Variants in FAM193A observed in about 807,000 individuals in gnomAD.
FAM193A encodes protein FAM193A.
FAM193A carries 22 observed loss-of-function variants against 126.5 expected under a neutral mutation model. That is an observed-to-expected ratio of 0.17 (90% CI 0.12 to 0.25). FAM193A has a LOEUF of 0.25. FAM193A is among the 10% of genes least tolerant of loss of function. The pLI is 1.00. For synonymous variants in FAM193A, 761 were observed against 646.8 expected (o/e 1.18, Z -2.68); for missense variants, 1,675 against 1,672.8 (o/e 1.00, Z -0.02).
intron 1 of FAM193A, among the ~76,000 whole-genome samples, chr4:2,577,801 C>G (rs771320585): frequency 6.6e-6 from 1 of 152,188 alleles, no homozygotes; most frequent in African/African-American, 2.4e-5. Context: ...GATTTCTAAT[C>G]TCAAGCTGTT....
At chr4:2,613,227 A>G (rs543949186) in intron 2 of FAM193A, among the ~76,000 whole-genome samples, 2 of 152,310 alleles carry the variant, frequency 1.3e-5, no homozygotes, top group East Asian at 3.9e-4. Context: ...GCTTGAGGCC[A>G]GGAGTTTAAG....
At chr4:2,707,420 C>T (rs1007019698) in intron 19 of FAM193A, among the ~76,000 whole-genome samples, 2 of 151,976 alleles carry the variant, frequency 1.3e-5, no homozygotes, top group African/African-American at 4.8e-5. Context: ...ATACAGTAGC[C>T]ATTAGTTATA....
At chr4:2,544,590 G>C (rs1300970723) in intron 1 of FAM193A, among the ~76,000 whole-genome samples, 1 of 152,026 alleles carries the variant, frequency 6.6e-6, no homozygotes, top group African/African-American at 2.4e-5. Flanking sequence ...TGTAATCCTA[G>C]CTACTCGGGA....
intron 20 of FAM193A, among the ~76,000 whole-genome samples, chr4:2,722,393 G>C (rs1720261800): frequency 6.6e-6 from 1 of 152,216 alleles, no homozygotes; most frequent in Non-Finnish European, 1.5e-5. Context: ...TGGAAGCTGT[G>C]CAGTGGTTTG....
chr4:2,650,671 T>C (rs1366708368), intron 7 of FAM193A, among the ~76,000 whole-genome samples: 1 of 152,140 alleles, frequency 6.6e-6, no homozygotes, highest in East Asian at 1.9e-4. Context: ...GTTGACGACA[T>C]AGTGCCACCT....
intron 1 of FAM193A, among the ~76,000 whole-genome samples, chr4:2,576,152 A>G (rs1043282351): frequency 3.9e-5 from 6 of 152,134 alleles, no homozygotes; most frequent in African/African-American, 1.4e-4. Context: ...GCTGCAGTGC[A>G]GTGGCACGAT....
chr4:2,603,147 T>G (rs559091864), intron 2 of FAM193A, among the ~76,000 whole-genome samples: 119 of 147,820 alleles, frequency 8.1e-4, no homozygotes, highest in African/African-American at 2.5e-3. Context: ...TTTGTGTGTA[T>G]ATATATATGT....
chr4:2,725,450 C>CAAA (rs71644355), intron 20 of FAM193A, among the ~76,000 whole-genome samples: 356 of 31,758 alleles, frequency 0.011, 24 homozygotes, highest in African/African-American at 0.029. Flanking sequence ...ACCCTGTCTC[C>CAAA]AAAAAAAAAA....
intron 5 of FAM193A, among the ~76,000 whole-genome samples, chr4:2,632,382 A>G (rs954994256): frequency 1.3e-5 from 2 of 152,018 alleles, no homozygotes; most frequent in African/African-American, 4.8e-5. Context: ...CCTAGGCAAC[A>G]TGGGGAGACC....
chr4:2,712,305 C>G (rs1223866328), intron 19 of FAM193A, among the ~76,000 whole-genome samples: 1 of 152,064 alleles, frequency 6.6e-6, no homozygotes, highest in Admixed American at 6.6e-5. Flanking sequence ...ATTTTGTGTC[C>G]TCATGGCCTG....
chr4:2,689,768 C>G, intron 14 of FAM193A, 64 bp downstream of exon 14: 1 of 1,197,288 alleles, frequency 8.4e-7, no homozygotes, highest in South Asian at 1.4e-5. Context: ...ACATCTTTGC[C>G]GTAGTCTCCC....
intron 7 of FAM193A, among the ~76,000 whole-genome samples, chr4:2,654,199 G>GTATA (rs1330075464): frequency 6.6e-6 from 1 of 152,030 alleles, no homozygotes; most frequent in Non-Finnish European, 1.5e-5. Flanking sequence ...AAGTATGTAT[G>GTATA]TATGTGGCAA....
intron 1 of FAM193A, among the ~76,000 whole-genome samples, chr4:2,567,354 A>T (rs1296244524): frequency 6.6e-6 from 1 of 152,174 alleles, no homozygotes; most frequent in Non-Finnish European, 1.5e-5. Context: ...GCAGCCAATG[A>T]TATACTTCTA....
chr4:2,725,404 C>T (rs192309926), intron 20 of FAM193A, among the ~76,000 whole-genome samples: 13 of 135,390 alleles, frequency 9.6e-5, no homozygotes, highest in Admixed American at 2.4e-4. Context: ...GAGCTGTGAT[C>T]GTACCACTGC....
intron 2 of FAM193A, among the ~76,000 whole-genome samples, chr4:2,604,917 C>G (rs1741444293): frequency 6.7e-6 from 1 of 149,886 alleles, no homozygotes; most frequent in African/African-American, 2.5e-5. Flanking sequence ...CCCAGCTTAG[C>G]CTCCTGAGTA....
At chr4:2,652,892 G>C (rs1249871414) in intron 7 of FAM193A, among the ~76,000 whole-genome samples, 1 of 152,236 alleles carries the variant, frequency 6.6e-6, no homozygotes, top group Non-Finnish European at 1.5e-5. Context: ...CCGTTACCGA[G>C]TGCTGTGCCA....
At chr4:2,727,800 G>C (rs1321061132) in intron 20 of FAM193A, among the ~76,000 whole-genome samples, 3 of 152,216 alleles carry the variant, frequency 2.0e-5, no homozygotes, top group Admixed American at 2.0e-4. Context: ...TGGGGCAGAG[G>C]AATCTGTGAG....
intron 5 of FAM193A, among the ~76,000 whole-genome samples, chr4:2,636,000 A>ATTTTTT (rs796940676): frequency 0.017 from 2,415 of 144,914 alleles, 51 homozygotes; most frequent in African/African-American, 0.048. Flanking sequence ...AAAAGGACGA[A>ATTTTTT]TTTTTTTTTT....
At position 2,696,346 on chromosome 4, in the gene FAM193A, TTTG is replaced by T. The variant is rs1459143928; in HGVS notation, c.3277-11_3277-9del. 6.4e-7 allele frequency: 1 copy of T among 1,570,216 alleles called. No individual in the cohort carries two copies. The highest frequency in any genetic ancestry group is 8.7e-7 in the Non-Finnish European group (1 of 1,149,322). ...AAAATTTTTAAAACTTAAGCATAAC[TTTG>T]TTGTTTTTCTCAGCCTCCAGCTGCA... On this transcript the variant is annotated splice_polypyrimidine_tract_variant and intron_variant, in intron 17 of 20. Transcript: ENST00000637812.
Sources: gnomAD v4.1 joint callset for allele counts (sites outside exome capture counted in the v4.1 genomes callset) on GRCh38, gnomAD v4.1.1 for gene constraint, MANE v1.5 for transcripts, NCBI Gene and HGNC (gene_info 2026-07-23, HGNC 2026-07-21) for gene names.